SVOP: variants seen among roughly 807,000 people sequenced by gnomAD.
SVOP encodes synaptic vesicle 2-related protein.
In SVOP, 17 loss-of-function variants were observed where a neutral mutation model predicts 69.1. The observed-to-expected ratio is 0.25, with a 90% CI of 0.17 to 0.37. The LOEUF (loss-of-function observed/expected upper bound fraction) is 0.37. Ranked by LOEUF, SVOP falls within the 10% of genes least tolerant of loss-of-function variation. SVOP has a pLI of 1.00. For missense variants in SVOP, 435 were observed against 597.5 expected (o/e 0.73, Z 2.84); for synonymous variants, 238 against 238.6 (o/e 1.00, Z 0.02).
At chr12:108,946,044 A>T (rs1237400419) in intron 6 of SVOP, among the ~76,000 whole-genome samples, 2 of 152,122 alleles carry the variant, frequency 1.3e-5, no homozygotes, top group African/African-American at 2.4e-5. Context: ...TTAGCCATTG[A>T]CTATCTCTAT....
At chr12:108,914,052 A>G (rs997903360) in intron 15 of SVOP, among the ~76,000 whole-genome samples, 2 of 152,258 alleles carry the variant, frequency 1.3e-5, no homozygotes, top group Non-Finnish European at 2.9e-5. Flanking sequence ...GCTCTCAACC[A>G]GCATCAGTTA....
rs554479021 is a variant in SVOP at position 108,922,633 on chromosome 12, C to T, written c.1156+57G>A. On this transcript the variant is annotated intron_variant, in intron 12 of 15. Coordinates refer to ENST00000610966, the MANE Select transcript of SVOP (RefSeq NM_018711.5). ...AGGGTAGACAGAGCCACCAGCTGAA[C>T]AATTGCCATATTCCCAGGCTTGCCT... 246 of 1,323,446 alleles carry T rather than the reference C, an allele frequency of 1.9e-4. 1 individual carries two copies. In the South Asian group the frequency reaches 2.9e-3, roughly 16 times the overall value. The allele number at this position is 1,323,446 out of a possible 1,614,324, so 82.0% of individuals were successfully genotyped here. A position where few individuals can be genotyped will look rare whatever the true frequency, so the allele number is the denominator to read the frequency against.
intron 1 of SVOP, among the ~76,000 whole-genome samples, chr12:108,987,357 A>T (rs1275295143): frequency 6.6e-6 from 1 of 152,228 alleles, no homozygotes; most frequent in East Asian, 1.9e-4. Context: ...GTTGATGGAC[A>T]GGTTGTTTCC....
rs557710169 is a variant in SVOP at position 108,990,826 on chromosome 12, G to C, written c.36-7065C>G. On this transcript the variant is annotated intron_variant, in intron 1 of 15. Coordinates refer to ENST00000610966, the MANE Select transcript of SVOP (RefSeq NM_018711.5). ...TGGATGCAGCCTCAGAACTCCCACG[G>C]GGCTGGTCACGACATGGATGGCTGG... is the stretch of plus-strand genomic sequence containing the variant. 1.2e-3 allele frequency among the ~76,000 whole-genome samples: 181 copies of C among 152,292 alleles called. 3 individuals are homozygous for C. The highest frequency in any genetic ancestry group is 6.0e-4 in the Non-Finnish European group (41 of 68,032).
intron 1 of SVOP, among the ~76,000 whole-genome samples, chr12:109,005,057 G>A (rs1566067604): frequency 6.6e-6 from 1 of 152,160 alleles, no homozygotes; most frequent in Non-Finnish European, 1.5e-5. Flanking sequence ...AAATAAGGAA[G>A]TTTTCTCTCT....
chr12:108,910,522 G>A lies in SVOP; in HGVS notation c.*2013C>T, dbSNP rs1439560194. On this transcript the variant is annotated 3_prime_UTR_variant, in exon 16 of 16. Coordinates refer to ENST00000610966, the MANE Select transcript of SVOP (RefSeq NM_018711.5). The stretch of plus-strand genomic sequence containing the variant: ...GAAATAATTAGAGCTACAGCCACAC[G>A]TGGTTCAAGGAAATGTGGTTGTCAG... 2 of 152,202 alleles carry A rather than the reference G, an allele frequency of 1.3e-5. No individual in the cohort carries two copies. Among genetic ancestry groups the A allele is most frequent in the African/African-American group, 2.4e-5 (1 of 41,452 alleles). 9.4% of individuals were successfully genotyped at this position (152,202 alleles called of 1,614,324 possible).
Position 108,922,746 on chromosome 12 carries a change from T to A in SVOP, c.1100A>T (p.Tyr367Phe), listed in dbSNP as rs1232772432. 4 of 1,611,714 alleles carry A rather than the reference T, an allele frequency of 2.5e-6. No homozygotes were observed. The highest frequency in any genetic ancestry group is 3.4e-6 in the Non-Finnish European group (4 of 1,179,226). Residue 367 changes from tyrosine (Y) to phenylalanine (F), a missense_variant, in exon 12 of 16, where the codon TAC becomes TTC. By Grantham distance (22) the Tyr-to-Phe change is conservative. Coordinates refer to ENST00000610966, the MANE Select transcript of SVOP (RefSeq NM_018711.5). ...VEAKCSLACEYLSEEDYMDLL... is the reference protein window; with the variant it reads ...VEAKCSLACEFLSEEDYMDLL... ...GTCCATGTAATCCTCCTCACTCAGGTACTCGCAGGCCAGGCTGCATTTTGC... is the reference window on the plus strand; with the variant it reads ...GTCCATGTAATCCTCCTCACTCAGGAACTCGCAGGCCAGGCTGCATTTTGC...
chr12:108,959,825 G>A (rs1320098074), intron 6 of SVOP, among the ~76,000 whole-genome samples: 1 of 152,204 alleles, frequency 6.6e-6, no homozygotes, highest in East Asian at 1.9e-4. Context: ...TTAATAGCAA[G>A]GCAGTAAAAT....
chr12:109,007,825 C>A (rs1013195324), intron 1 of SVOP, among the ~76,000 whole-genome samples: 5 of 152,092 alleles, frequency 3.3e-5, no homozygotes, highest in Non-Finnish European at 5.9e-5. Context: ...ATCACCTGAG[C>A]CCAGGAGTTC....
intron 11 of SVOP, among the ~76,000 whole-genome samples, chr12:108,925,000 T>G (rs548151467): frequency 6.6e-6 from 1 of 151,962 alleles, no homozygotes; most frequent in Non-Finnish European, 1.5e-5. Context: ...GACCTCAAGT[T>G]TTTGAAAAAG....
intron 2 of SVOP, among the ~76,000 whole-genome samples, chr12:108,979,090 T>C (rs377588045): frequency 6.6e-6 from 1 of 151,614 alleles, no homozygotes; most frequent in African/African-American, 2.4e-5. Context: ...CATGTGGGTG[T>C]ACATGTATCT....
In SVOP at chr12:108,928,194, A is replaced by G. The variant is rs933644502; in HGVS notation, c.1049-5397T>C. The stretch of plus-strand genomic sequence containing the variant: ...GCTGGGATTACAGGTGTGAGCCACC[A>G]TGCGCAGCCAACCCCCACACCCCCC... On this transcript the variant is annotated intron_variant, in intron 11 of 15. Transcript: ENST00000610966. Among the ~76,000 whole-genome samples, 7 of 152,074 alleles carry G rather than the reference A, an allele frequency of 4.6e-5. No individual in the cohort carries two copies. The South Asian group carries it at 1.0e-3, about 23-fold the overall frequency.
At chr12:108,915,721 C>A in intron 15 of SVOP, 62 bp downstream of exon 15, 1 of 1,517,090 alleles carries the variant, frequency 6.6e-7, no homozygotes, top group Non-Finnish European at 8.9e-7. Flanking sequence ...CATGTAGTAA[C>A]TGCTTGCCAT....
At chr12:108,918,436 C>T (rs7955796) in intron 13 of SVOP, among the ~76,000 whole-genome samples, 13,576 of 152,230 alleles carry the variant, frequency 0.089, 809 homozygotes, top group Non-Finnish European at 0.14. Context: ...GAGGGTGGAG[C>T]AGGAATTGAG....
At chr12:109,004,410 C>T (rs1207836333) in intron 1 of SVOP, among the ~76,000 whole-genome samples, 5 of 120,398 alleles carry the variant, frequency 4.2e-5, no homozygotes, top group Non-Finnish European at 5.1e-5. Flanking sequence ...GGTATTGCTA[C>T]TTTTTTTTTT....
At chr12:108,989,804 G>A (rs535832682) in intron 1 of SVOP, among the ~76,000 whole-genome samples, 3 of 152,312 alleles carry the variant, frequency 2.0e-5, no homozygotes, top group South Asian at 2.1e-4. Context: ...TGTAAAGCAC[G>A]AGACAAATGT....
intron 2 of SVOP, among the ~76,000 whole-genome samples, chr12:108,983,173 C>T (rs1026808639): frequency 4.6e-5 from 7 of 151,906 alleles, no homozygotes; most frequent in African/African-American, 1.7e-4. Flanking sequence ...CCATCATCAC[C>T]ATTGCCATCT....
intron 4 of SVOP, among the ~76,000 whole-genome samples, chr12:108,974,047 A>G (rs149566079): frequency 1.2e-3 from 183 of 152,354 alleles, no homozygotes; most frequent in Middle Eastern, 6.8e-3. Context: ...GCTCTTTGGC[A>G]CACGCAATTT....
intron 1 of SVOP, among the ~76,000 whole-genome samples, chr12:109,020,373 T>A (rs2040390359): frequency 6.6e-6 from 1 of 152,160 alleles, no homozygotes. Context: ...CCCAGTTTTT[T>A]TTATCAACCA....
Sources: allele counts gnomAD v4.1 joint callset (sites outside exome capture counted in the v4.1 genomes callset), GRCh38; gene constraint gnomAD v4.1.1; transcripts MANE v1.5; gene names NCBI Gene and HGNC (gene_info 2026-07-23, HGNC 2026-07-21).